Variants in WDR27 observed in about 807,000 individuals in gnomAD.
WDR27 encodes WD repeat domain 27, also known as WD repeat-containing protein 27.
WDR27 carries 100 observed loss-of-function variants against 114.4 expected under a neutral mutation model. The ratio of observed to expected loss-of-function variants is 0.87; its 90% CI spans 0.74 to 1.03. The LOEUF is 1.03. Among genes scored for constraint, WDR27 ranks in the 50% least tolerant of loss-of-function variants. The probability of loss-of-function intolerance (pLI) is 0.00; values close to 1 mark genes in which losing one functional copy is unlikely to be tolerated. For synonymous variants in WDR27, 449 were observed against 423.1 expected (o/e 1.06, Z -0.75); for missense variants, 1,129 against 1,092.9 (o/e 1.03, Z -0.47).
chr6:169,683,666 T>C (rs1372562476), intron 2 of WDR27, among the ~76,000 whole-genome samples: 1 of 152,186 alleles, frequency 6.6e-6, no homozygotes, highest in African/African-American at 2.4e-5. Context: ...TAGAGGTACC[T>C]AGCCTCTGTA....
At chr6:169,631,171 T>A (rs146809667) in intron 21 of WDR27, among the ~76,000 whole-genome samples, 1 of 152,210 alleles carries the variant, frequency 6.6e-6, no homozygotes, top group Admixed American at 6.5e-5. Flanking sequence ...GCCGTTTTCA[T>A]AGCCTTGTAA....
chr6:169,610,440 C>T (rs1810258151), intron 22 of WDR27, among the ~76,000 whole-genome samples: 2 of 152,162 alleles, frequency 1.3e-5, no homozygotes, highest in Admixed American at 6.5e-5. Flanking sequence ...TGGTTGGCAG[C>T]AGGGTAAAGA....
In WDR27 at chr6:169,649,917, CCCATGCAGCCAT is replaced by C. The variant is rs974765587; in HGVS notation, c.1482-654_1482-643del. 3.4e-5 allele frequency among the ~76,000 whole-genome samples: 5 copies of C among 149,150 alleles called. No homozygotes were observed. The South Asian group carries it at 1.1e-3, about 32-fold the overall frequency. On this transcript the variant is annotated intron_variant, in intron 14 of 25. Coordinates refer to ENST00000448612, the MANE Select transcript of WDR27 (RefSeq NM_182552.5). ...TCCCTCCATCCCCTTCATCCAGCCA[CCCATGCAGCCAT>C]CCCTCACCTCCGCATCCCTCCATCC...
intron 23 of WDR27, 71 bp downstream of exon 23, chr6:169,602,148 C>A: frequency 8.7e-7 from 1 of 1,154,406 alleles, no homozygotes; most frequent in South Asian, 2.1e-5. Context: ...TAATATGCAA[C>A]AATATTAAAC....
At chr6:169,516,029 A>G (rs1049587843) in intron 25 of WDR27, among the ~76,000 whole-genome samples, 4 of 152,160 alleles carry the variant, frequency 2.6e-5, no homozygotes, top group African/African-American at 9.6e-5. Flanking sequence ...GGAAATATAA[A>G]TACAAAAATA....
intron 21 of WDR27, among the ~76,000 whole-genome samples, chr6:169,614,581 G>T (rs1167562738): frequency 2.0e-5 from 3 of 151,872 alleles, no homozygotes; most frequent in Non-Finnish European, 4.4e-5. Context: ...CCAGCTACTG[G>T]GGAGACTGAG....
chr6:169,455,375 C>G (rs932101840), downstream of WDR27, among the ~76,000 whole-genome samples: 3 of 152,202 alleles, frequency 2.0e-5, no homozygotes, highest in African/African-American at 7.2e-5. Flanking sequence ...CAAGTGAAAA[C>G]TAAAAAGCTC....
At chr6:169,600,184 A>G (rs1411535735) in intron 23 of WDR27, among the ~76,000 whole-genome samples, 1 of 152,114 alleles carries the variant, frequency 6.6e-6, no homozygotes, top group Non-Finnish European at 1.5e-5. Context: ...ACTTCCAACT[A>G]TGTGGTCAAT....
At chr6:169,621,569 TATAC>T (rs1042260436) in intron 21 of WDR27, among the ~76,000 whole-genome samples, 2 of 141,088 alleles carry the variant, frequency 1.4e-5, no homozygotes, top group African/African-American at 5.4e-5. Flanking sequence ...CATTCATGCA[TATAC>T]ATACACATGC....
At chr6:169,616,082 T>C (rs1811766672) in intron 21 of WDR27, among the ~76,000 whole-genome samples, 1 of 151,254 alleles carries the variant, frequency 6.6e-6, no homozygotes, top group South Asian at 2.1e-4. Flanking sequence ...TTAGAAACAG[T>C]TTCTTCAAAA....
chr6:169,456,547 G>T (rs549494882), downstream of WDR27, among the ~76,000 whole-genome samples: 1 of 152,258 alleles, frequency 6.6e-6, no homozygotes, highest in South Asian at 2.1e-4. The surrounding 1 kb of genome is among the most constrained non-coding windows in gnomAD (Gnocchi z 4.0). Flanking sequence ...ATTCTTCTAG[G>T]ATCTTATAAC....
At chr6:169,519,069 G>T (rs1396277822) in intron 25 of WDR27, among the ~76,000 whole-genome samples, 1 of 152,178 alleles carries the variant, frequency 6.6e-6, no homozygotes, top group Non-Finnish European at 1.5e-5. Flanking sequence ...TTCTCCATAA[G>T]TTCCTCATTT....
At chr6:169,625,393 G>A (rs1167296847) in intron 21 of WDR27, among the ~76,000 whole-genome samples, 1 of 152,210 alleles carries the variant, frequency 6.6e-6, no homozygotes, top group Non-Finnish European at 1.5e-5. Flanking sequence ...GTAAGGGGCC[G>A]AGTCCAACTA....
intron 25 of WDR27, among the ~76,000 whole-genome samples, chr6:169,475,376 C>A (rs1203154279): frequency 2.0e-5 from 3 of 152,166 alleles, no homozygotes; most frequent in Non-Finnish European, 4.4e-5. Flanking sequence ...GCACCTCCCA[C>A]CATACCTGGC....
chr6:169,670,957 C>T (rs938844408), intron 3 of WDR27: 22 of 417,410 alleles, frequency 5.3e-5, no homozygotes, highest in Non-Finnish European at 8.6e-5. Context: ...GGCTGCAGTA[C>T]CTGTGCAGTG....
At chr6:169,502,058 A>T (rs1157677160) in intron 25 of WDR27, among the ~76,000 whole-genome samples, 1 of 152,078 alleles carries the variant, frequency 6.6e-6, no homozygotes, top group African/African-American at 2.4e-5. Flanking sequence ...ACGGAGCCGC[A>T]CGCACCACCT....
the WDR27 span, among the ~76,000 whole-genome samples, chr6:169,450,137 C>T: frequency 6.6e-6 from 1 of 152,152 alleles, no homozygotes; most frequent in East Asian, 1.9e-4. Context: ...AAGGAAACTA[C>T]ATCATCATTA....
chr6:169,672,664 T>C (rs1478290385), intron 2 of WDR27, among the ~76,000 whole-genome samples: 1 of 152,146 alleles, frequency 6.6e-6, no homozygotes, highest in African/African-American at 2.4e-5. Context: ...TATTAGTTAA[T>C]CAAATATAGA....
chr6:169,694,121 A>G (rs1053700123), intron 1 of WDR27, among the ~76,000 whole-genome samples: 2 of 152,182 alleles, frequency 1.3e-5, no homozygotes, highest in African/African-American at 4.8e-5. Flanking sequence ...CATCCTGACC[A>G]ACATGGTGAA....
Sources: gnomAD v4.1 joint callset for allele counts (sites outside exome capture counted in the v4.1 genomes callset) on GRCh38, gnomAD v4.1.1 for gene constraint, Gnocchi (gnomAD v3.1) non-coding constraint, MANE v1.5 for transcripts, NCBI Gene and HGNC (gene_info 2026-07-23, HGNC 2026-07-21) for gene names.